JTB: variants seen among roughly 807,000 people sequenced by gnomAD.
The protein encoded by JTB is protein JTB.
A neutral mutation model predicts 22.1 loss-of-function variants in JTB; 10 were observed. That is an observed-to-expected ratio of 0.45 (90% confidence interval 0.28 to 0.77). JTB has a LOEUF of 0.77. Among genes scored for constraint, JTB ranks in the 30% least tolerant of loss-of-function variants. JTB has a pLI of 0.13. For synonymous variants in JTB, 83 were observed against 66.8 expected (o/e 1.24, Z -1.18); for missense variants, 137 against 180.3 (o/e 0.76, Z 1.38).
rs781702502 is a variant in JTB, at chr1:153,974,640, T to C, written c.*39A>G. On this transcript the variant is annotated 3_prime_UTR_variant, in exon 5 of 5. Transcript: ENST00000271843. ...TCCATTTCACTTTCACTGTCTGAGA[T>C]AGGGTCTCTAAGACCCAGGATACAA... The C allele has an allele frequency of 3.2e-6, 5 of 1,561,156 alleles. No homozygotes were observed. The highest frequency in any genetic ancestry group is 2.7e-5 in the African/African-American group (2 of 73,984).
Position 153,977,276 on chromosome 1 carries a change from C to T in JTB, c.-24G>A, listed in dbSNP as rs1648825290. 6.2e-7 allele frequency: 1 copy of T among 1,612,820 alleles called. No individual in the cohort carries two copies. The highest frequency in any genetic ancestry group is 1.3e-5 in the African/African-American group (1 of 74,944). On this transcript the variant is annotated 5_prime_UTR_variant, in exon 1 of 5. Coordinates refer to ENST00000271843, the MANE Select transcript of JTB (RefSeq NM_006694.4). ...ATGGAGCGCCAAGTGTCGCACCTGT[C>T]GGAACAGAGGGACCTACTCCACAGG...
In JTB at chr1:153,976,555, T is replaced by G. The variant is rs1648802115; in HGVS notation, c.204+138A>C. On this transcript the variant is annotated intron_variant, in intron 3 of 4. Transcript: ENST00000271843. Reference sequence around the variant, plus strand: ...TTCAGGGGAAAGACAAGTACAGATTTGGACATACACTGAGACTGCAAGAAG... The same window carrying G: ...TTCAGGGGAAAGACAAGTACAGATTGGGACATACACTGAGACTGCAAGAAG... The G allele has an allele frequency of 5.6e-6, 4 of 709,592 alleles. No individual in the cohort carries two copies. In the South Asian group the frequency reaches 7.1e-5, roughly 13 times the overall value. The allele number at this position is 709,592 out of a possible 1,614,324, so 44.0% of individuals were successfully genotyped here. A position where few individuals can be genotyped will look rare whatever the true frequency, so the allele number is the denominator to read the frequency against.
At chr1:153,977,101 C>G (rs531234857) in intron 1 of JTB, 69 bp downstream of exon 1, 2 of 1,613,936 alleles carry the variant, frequency 1.2e-6, no homozygotes, top group East Asian at 4.5e-5. Context: ...AGATCTCCCC[C>G]AGCCCCGAGG....
intron 4 of JTB, among the ~76,000 whole-genome samples, chr1:153,975,053 G>T (rs1648738507): frequency 6.6e-6 from 1 of 152,164 alleles, no homozygotes; most frequent in African/African-American, 2.4e-5. Flanking sequence ...GAGAAAATAT[G>T]GCCAATAACA....
Position 153,977,162 on chromosome 1 carries a change from C to T in JTB, c.83+8G>A, listed in dbSNP as rs1648819625. 6.2e-7 allele frequency: 1 copy of T among 1,614,088 alleles called. No homozygotes were observed. The highest frequency in any genetic ancestry group is 1.7e-5 in the Admixed American group (1 of 60,010). On this transcript the variant is annotated splice_region_variant and intron_variant, in intron 1 of 4. Coordinates refer to ENST00000271843, the MANE Select transcript of JTB (RefSeq NM_006694.4). ...ACCTCCTTTTCCCTCCCCTTACCTC[C>T]TCCTTACCAGAGCTTTAAGGTGAAA...
chr1:153,975,784 G>T, intron 4 of JTB, 42 bp downstream of exon 4: 1 of 1,489,758 alleles, frequency 6.7e-7, no homozygotes, highest in Non-Finnish European at 9.4e-7. Flanking sequence ...TAAAGTCATA[G>T]GAGCAAAGGA....
At chr1:153,975,972 T>G in intron 3 of JTB, 67 bp from the exon 4 acceptor site, 1 of 1,155,534 alleles carries the variant, frequency 8.7e-7, no homozygotes, top group Non-Finnish European at 1.3e-6. Flanking sequence ...AAGGCTGCCA[T>G]TCAGAAGGTG....
In JTB at chr1:153,977,158, C is replaced by T. The variant is rs1648819263; in HGVS notation, c.83+12G>A. On this transcript the variant is annotated intron_variant, in intron 1 of 4. Transcript: ENST00000271843. ...AGTGACCTCCTTTTCCCTCCCCTTA[C>T]CTCCTCCTTACCAGAGCTTTAAGGT... The T allele has an allele frequency of 1.2e-6, 2 of 1,614,038 alleles. No homozygotes were observed. The highest frequency in any genetic ancestry group is 1.3e-5 in the African/African-American group (1 of 74,958).
At chr1:153,977,072 C>A (rs780249751) in intron 1 of JTB, 59 bp from the exon 2 acceptor site, 25 of 1,614,078 alleles carry the variant, frequency 1.5e-5, no homozygotes, top group Non-Finnish European at 2.0e-5. Flanking sequence ...GGCACCCCCT[C>A]CTGCGCTGTC....
rs1648785048 is a variant in JTB at position 153,976,050 on chromosome 1, A to G, written c.205-145T>C. On this transcript the variant is annotated intron_variant, in intron 3 of 4. Transcript: ENST00000271843. The stretch of plus-strand genomic sequence containing the variant: ...AGCTAATGAAAGAGTTCTGATGCGG[A>G]TGGTGGAGGTGGTGGTTGCATGATT... 1.6e-5 allele frequency: 10 copies of G among 639,628 alleles called. No homozygotes were observed. The East Asian group carries it at 2.6e-4, about 17-fold the overall frequency. The allele number at this position is 639,628 out of a possible 1,614,324, so 39.6% of individuals were successfully genotyped here.
intron 2 of JTB, 26 bp downstream of exon 2, chr1:153,976,950 T>C (rs765990129): frequency 1.2e-6 from 2 of 1,614,142 alleles, no homozygotes; most frequent in South Asian, 1.1e-5. Context: ...CGACGGGACG[T>C]GTCGGGTTCC....
chr1:153,974,344 A>C lies in JTB; in HGVS notation c.*335T>G, dbSNP rs1345831567. The C allele has an allele frequency of 4.6e-6, 2 of 432,260 alleles. No individual in the cohort carries two copies. The highest frequency in any genetic ancestry group is 4.1e-6 in the Non-Finnish European group (1 of 242,122). 26.8% of individuals were successfully genotyped at this position (432,260 alleles called of 1,614,324 possible). ...GGAAATAAGTTTTGAGTGAGAAATA[A>C]ACGTTTTAGCTGAAATTGTATCCCA... On this transcript the variant is annotated 3_prime_UTR_variant, in exon 5 of 5. Transcript: ENST00000271843.
In JTB at chr1:153,974,396, G is replaced by T; in HGVS notation, c.*283C>A. On this transcript the variant is annotated 3_prime_UTR_variant, in exon 5 of 5. Transcript: ENST00000271843. ...AAGTTTGAAATAAGTAGTAGAAGAG[G>T]GGGAAAACAAGGGAGAAGTGGTGGG... The T allele has an allele frequency of 2.4e-6, 1 of 420,038 alleles. No individual in the cohort carries two copies. Among genetic ancestry groups the T allele is most frequent in the Non-Finnish European group, 4.3e-6 (1 of 234,376 alleles). The allele number at this position is 420,038 out of a possible 1,614,324, so 26.0% of individuals were successfully genotyped here.
At chr1:153,977,037 A>G in intron 1 of JTB, 24 bp from the exon 2 acceptor site, 1 of 1,614,114 alleles carries the variant, frequency 6.2e-7, no homozygotes, top group Non-Finnish European at 8.5e-7. Flanking sequence ...GGGGGAAGGG[A>G]CAAAAGTCAA....
intron 3 of JTB, 76 bp from the exon 4 acceptor site, chr1:153,975,981 T>G: frequency 9.9e-7 from 1 of 1,005,266 alleles, no homozygotes; most frequent in Non-Finnish European, 1.6e-6. Flanking sequence ...ATTCAGAAGG[T>G]GCAGGTGCCC....
Position 153,976,737 on chromosome 1 carries a change from A to C in JTB, c.160T>G (p.Phe54Val), listed in dbSNP as rs1571123458. The change falls in exon 3 of 5, where the codon TTT becomes GTT. Residue 54 changes from phenylalanine to valine, a missense_variant. Physicochemically the swap from Phe to Val is conservative, Grantham distance 50. Coordinates refer to ENST00000271843, the MANE Select transcript of JTB (RefSeq NM_006694.4). ...SNLPCWLVEEFVVAEECSPCS... is the reference protein window; with the variant it reads ...SNLPCWLVEEVVVAEECSPCS... ...GGAGAGCACTCTTCTGCTACCACAA[A>C]CTCTTCCACCAGCCAGCATGGCAAA... 1.2e-6 allele frequency: 2 copies of C among 1,613,976 alleles called. No individual in the cohort carries two copies. Among genetic ancestry groups the C allele is most frequent in the Non-Finnish European group, 1.7e-6 (2 of 1,179,998 alleles).
Position 153,977,588 on chromosome 1 carries a change from C to A in JTB, c.-336G>T. Reference sequence around the variant, plus strand: ...GCAGCCATCTAGCCCCGTGGAGGATCCTCGGGCGCGGGACCGAGCTCGGGG... The same window carrying A: ...GCAGCCATCTAGCCCCGTGGAGGATACTCGGGCGCGGGACCGAGCTCGGGG... On this transcript the variant is annotated 5_prime_UTR_variant, in exon 1 of 5. Coordinates refer to ENST00000271843, the MANE Select transcript of JTB (RefSeq NM_006694.4). 1.9e-6 allele frequency: 2 copies of A among 1,038,058 alleles called. No individual in the cohort carries two copies. The highest frequency in any genetic ancestry group is 2.3e-6 in the Non-Finnish European group (2 of 862,914). 64.3% of individuals were successfully genotyped at this position (1,038,058 alleles called of 1,614,324 possible).
chr1:153,975,768 T>C (rs1648774587), intron 4 of JTB, 58 bp downstream of exon 4: 12 of 1,340,872 alleles, frequency 8.9e-6, no homozygotes, highest in Non-Finnish European at 1.3e-5. Flanking sequence ...GGTGGGACCA[T>C]CCATCTAAAG....
Position 153,977,331 on chromosome 1 carries a change from G to C in JTB, c.-79C>G. 1 of 1,572,904 alleles carries C rather than the reference G, an allele frequency of 6.4e-7. No individual in the cohort carries two copies. Among genetic ancestry groups the C allele is most frequent in the Admixed American group, 1.8e-5 (1 of 54,288 alleles). ...GTGCCTCCGTCGGAGCGCAGAGGCG[G>C]CACTTACTCTGCAGCCCTCCCAGAG... On this transcript the variant is annotated 5_prime_UTR_variant, in exon 1 of 5. Transcript: ENST00000271843.
Sources: allele counts gnomAD v4.1 joint callset (sites outside exome capture counted in the v4.1 genomes callset), GRCh38; gene constraint gnomAD v4.1.1; transcripts MANE v1.5; gene names NCBI Gene and HGNC (gene_info 2026-07-23, HGNC 2026-07-21).